Variants in SPEN observed in about 807,000 individuals in gnomAD.
The protein encoded by SPEN is spen family transcriptional repressor, also known as msx2-interacting protein.
A neutral mutation model predicts 269.9 loss-of-function variants in SPEN; 18 were observed. The observed-to-expected ratio is 0.07, with a 90% confidence interval of 0.05 to 0.10. The LOEUF (loss-of-function observed/expected upper bound fraction) is 0.10, where lower values mean the gene tolerates loss of function less well. SPEN is among the 10% of genes least tolerant of loss of function. The pLI, the probability that SPEN is intolerant of heterozygous loss-of-function variation, is 1.00. For synonymous variants in SPEN, 1,726 were observed against 1,765.7 expected (o/e 0.98, Z 0.56); for missense variants, 3,822 against 4,631.2 (o/e 0.83, Z 5.07).
In SPEN at chr1:15,934,714, A is replaced by G. The variant is rs1449177855; in HGVS notation, c.8474A>G (p.Glu2825Gly). Reference protein sequence around the residue: ...VLLSYSGQKTEGPQRISAKIS... With the variant: ...VLLSYSGQKTGGPQRISAKIS... ...CTGAGTTACTCAGGGCAGAAGACCG[A>G]AGGCCCACAGCGGATCAGCGCCAAG... Residue 2825 changes from glutamate to glycine, a missense_variant, in exon 11 of 15, where the codon GAA becomes GGA. Transcript: ENST00000375759. This position sits in a 1 kb window ranked among gnomAD's most constrained non-coding sequence, Gnocchi z 9.2. 6.2e-7 allele frequency: 1 copy of G among 1,614,206 alleles called. No individual in the cohort carries two copies. Among genetic ancestry groups the G allele is most frequent in the Non-Finnish European group, 8.5e-7 (1 of 1,180,040 alleles).
At position 15,860,378 on chromosome 1, in the gene SPEN, G is replaced by GGTGTGTGTGTGTGT. The variant is rs60005872; in HGVS notation, c.83+12255_83+12268dup. 4.2e-3 allele frequency among the ~76,000 whole-genome samples: 504 copies of GGTGTGTGTGTGTGT among 121,214 alleles called. 4 individuals are homozygous for GGTGTGTGTGTGTGT. Among genetic ancestry groups the GGTGTGTGTGTGTGT allele is most frequent in the South Asian group, 0.015 (48 of 3,128 alleles). The allele number at this position is 121,214 out of a possible 152,430, so 79.5% of individuals were successfully genotyped here. A position where few individuals can be genotyped will look rare whatever the true frequency, so the allele number is the denominator to read the frequency against. ...TCTCAGCCTCCCAAGTAGCTTCAGA[G>GGTGTGTGTGTGTGT]GTGTGTGTGTGTGTGTGTGTGTGTG... On this transcript the variant is annotated intron_variant, in intron 1 of 14. Transcript: ENST00000375759.
At chr1:15,888,091 A>AATTTT (rs1031061086) in intron 3 of SPEN, among the ~76,000 whole-genome samples, 1 of 150,726 alleles carries the variant, frequency 6.6e-6, no homozygotes, top group South Asian at 2.1e-4. Flanking sequence ...TTAAATAACA[A>AATTTT]ATTTTATTTT....
intron 1 of SPEN, among the ~76,000 whole-genome samples, chr1:15,850,375 T>A (rs2070322993): frequency 7.0e-6 from 1 of 143,312 alleles, no homozygotes; most frequent in South Asian, 2.3e-4. Flanking sequence ...AGATCATGTG[T>A]CCCTGAAATT....
chr1:15,859,670 GA>G (rs1433314453), intron 1 of SPEN, among the ~76,000 whole-genome samples: 5 of 151,776 alleles, frequency 3.3e-5, no homozygotes, highest in Non-Finnish European at 5.9e-5. Flanking sequence ...TGCCCGGCCT[GA>G]AAAGGAACTT....
In SPEN at chr1:15,935,157, C is replaced by T; in HGVS notation, c.8917C>T (p.Leu2973Phe). 1.2e-6 allele frequency: 2 copies of T among 1,614,056 alleles called. No homozygotes were observed. The highest frequency in any genetic ancestry group is 1.7e-6 in the Non-Finnish European group (2 of 1,179,988). ...CACCCTTAAAATCGAGACCAAGGTCCTTCAGCCGGCCAACCTGGGGTCCAC... is the reference window on the plus strand; with the variant it reads ...CACCCTTAAAATCGAGACCAAGGTCTTTCAGCCGGCCAACCTGGGGTCCAC... Reference protein sequence around the residue: ...PVTLKIETKVLQPANLGSTLT... With the variant: ...PVTLKIETKVFQPANLGSTLT... Residue 2973 changes from leucine (L) to phenylalanine (F), a missense_variant, in exon 11 of 15, where the codon CTT becomes TTT. Transcript: ENST00000375759. This position sits in a 1 kb window ranked among gnomAD's most constrained non-coding sequence, Gnocchi z 7.7.
chr1:15,855,126 G>T (rs146526679), intron 1 of SPEN, among the ~76,000 whole-genome samples: 27 of 152,268 alleles, frequency 1.8e-4, no homozygotes, highest in Admixed American at 3.3e-4. Flanking sequence ...AGATTTGTGG[G>T]AAAATTCAAA....
At position 15,931,275 on chromosome 1, in the gene SPEN, G is replaced by A. The variant is rs779103344; in HGVS notation, c.5035G>A (p.Val1679Ile). The A allele has an allele frequency of 3.3e-5, 53 of 1,614,050 alleles. No homozygotes were observed. Among genetic ancestry groups the A allele is most frequent in the Non-Finnish European group, 4.3e-5 (51 of 1,180,038 alleles). The stretch of plus-strand genomic sequence containing the variant: ...AGAGAAGACTGTGGAGCCAGCTACC[G>A]TCTCAGAAGAAGCAAAGCCTGCATC... ...TEEKTVEPAT[V>I]SEEAKPASEP... Residue 1679 changes from valine (V) to isoleucine (I), a missense_variant, in exon 11 of 15, where the codon GTC becomes ATC. Physicochemically the swap from Val to Ile is conservative, Grantham distance 29 (BLOSUM62 3). Transcript: ENST00000375759. The surrounding 1 kb of genome is among the most constrained non-coding windows in gnomAD (Gnocchi z 4.8).
At chr1:15,872,774 A>G (rs2070594465) in intron 1 of SPEN, 42 bp from the exon 2 acceptor site, 1 of 1,446,866 alleles carries the variant, frequency 6.9e-7, no homozygotes, top group Admixed American at 2.3e-5. Flanking sequence ...ATTTTGGAAA[A>G]TTATTGATAT....
chr1:15,928,363 G>T lies in SPEN; in HGVS notation c.2123G>T (p.Arg708Ile). ...RQRERERERERFESDRDRDHE... is the reference protein window; with the variant it reads ...RQREREREREIFESDRDRDHE... ...AGGGAACGAGAAAGAGAACGTGAAA[G>T]ATTTGAGTCTGACCGGGACAGAGAC... Residue 708 changes from arginine to isoleucine, a missense_variant, in exon 11 of 15, where the codon AGA becomes ATA. By Grantham distance (97) the Arg-to-Ile change is moderately conservative. This residue lies in a region of SPEN where 572 missense variants were observed against 582.6 expected (regional missense o/e 0.98). Transcript: ENST00000375759. The surrounding 1 kb of genome is among the most constrained non-coding windows in gnomAD (Gnocchi z 5.7). The T allele has an allele frequency of 2.5e-6, 4 of 1,614,204 alleles. No individual in the cohort carries two copies. Among genetic ancestry groups the T allele is most frequent in the Non-Finnish European group, 3.4e-6 (4 of 1,180,032 alleles).
intron 3 of SPEN, among the ~76,000 whole-genome samples, chr1:15,891,855 A>G (rs774528165): frequency 3.3e-5 from 5 of 151,728 alleles, no homozygotes; most frequent in Admixed American, 6.6e-5. Context: ...CATATATCTC[A>G]GTAGAACTGT....
intron 2 of SPEN, chr1:15,873,395 A>G: frequency 2.0e-5 from 24 of 1,188,066 alleles, no homozygotes; most frequent in Non-Finnish European, 2.4e-5. Flanking sequence ...TCATTTTTGG[A>G]GTTACCTGTC....
At chr1:15,904,477 A>AG (rs1431842908) in intron 3 of SPEN, among the ~76,000 whole-genome samples, 59 of 138,018 alleles carry the variant, frequency 4.3e-4, no homozygotes, top group African/African-American at 3.1e-4. Context: ...AAAAAAAAAA[A>AG]GTGAACTAAA....
In SPEN at chr1:15,873,474, A is replaced by C. The variant is rs569582376; in HGVS notation, c.404+338A>C. 3 of 1,025,320 alleles carry C rather than the reference A, an allele frequency of 2.9e-6. No homozygotes were observed. The African/African-American group carries it at 5.1e-5, about 17-fold the overall frequency. 63.5% of individuals were successfully genotyped at this position (1,025,320 alleles called of 1,614,324 possible). ...TCCTTGGATATATCCCTTCTACCTG[A>C]TGGAGCTATTTGGCTTTTGTGTTCA... On this transcript the variant is annotated intron_variant, in intron 2 of 14. Coordinates refer to ENST00000375759, the MANE Select transcript of SPEN (RefSeq NM_015001.3).
chr1:15,859,621 G>A (rs982379454), intron 1 of SPEN, among the ~76,000 whole-genome samples: 4 of 151,704 alleles, frequency 2.6e-5, no homozygotes, highest in Admixed American at 6.6e-5. Context: ...CGCCCGCCTC[G>A]GCCTCCCAAA....
rs148178858 is a variant in SPEN, at chr1:15,935,412, C to G, written c.9172C>G (p.Leu3058Val). The G allele has an allele frequency of 5.6e-6, 9 of 1,614,012 alleles. No homozygotes were observed. In the African/African-American group the frequency reaches 1.1e-4, roughly 19 times the overall value. The change falls in exon 11 of 15, where the codon CTG (leucine) becomes GTG (valine). Residue 3058 changes from leucine to valine, a missense_variant. Physicochemically the swap from Leu to Val is conservative, Grantham distance 32. Coordinates refer to ENST00000375759, the MANE Select transcript of SPEN (RefSeq NM_015001.3). The surrounding 1 kb of genome is among the most constrained non-coding windows in gnomAD (Gnocchi z 7.7). ...TALSTNATVM[L>V]AAGIPVPQFI... ...GCTCTCCACCAACGCCACAGTCATG[C>G]TGGCTGCAGGCATCCCAGTGCCCCA...
At chr1:15,923,165 G>A (rs999176890) in intron 10 of SPEN, among the ~76,000 whole-genome samples, 2 of 152,136 alleles carry the variant, frequency 1.3e-5, no homozygotes, top group Non-Finnish European at 1.5e-5. Flanking sequence ...GAATCAATAA[G>A]CCAAAGCATA....
intron 8 of SPEN, among the ~76,000 whole-genome samples, chr1:15,920,197 A>G (rs2071105500): frequency 6.6e-6 from 1 of 152,070 alleles, no homozygotes. Flanking sequence ...AGCCTCTTGA[A>G]TAGCTGGGAT....
At chr1:15,890,920 C>T (rs1282966466) in intron 3 of SPEN, among the ~76,000 whole-genome samples, 3 of 152,078 alleles carry the variant, frequency 2.0e-5, no homozygotes, top group African/African-American at 2.4e-5. Context: ...GCAGTTCATC[C>T]GTGTTATAGC....
Position 15,931,932 on chromosome 1 carries a change from C to T in SPEN, c.5692C>T (p.Arg1898Ter). 1 of 1,614,178 alleles carries T rather than the reference C, an allele frequency of 6.2e-7. No homozygotes were observed. Among genetic ancestry groups the T allele is most frequent in the Non-Finnish European group, 8.5e-7 (1 of 1,180,020 alleles). The change falls in exon 11 of 15, where the codon CGA (arginine) becomes TGA (stop). Residue 1898 changes from arginine (R) to a stop codon, truncating the protein, a stop_gained. Coordinates refer to ENST00000375759, the MANE Select transcript of SPEN (RefSeq NM_015001.3). LOFTEE classifies it high-confidence loss of function. The surrounding 1 kb of genome is among the most constrained non-coding windows in gnomAD (Gnocchi z 4.8). ...TCCCGAACCAAGTTTGCCTCTCAGC[C>T]GAACAAGGCGCCGGAATGTAAGGAG... ...EHPEPSLPLS[R>*]TRRRNVRSVY... is the part of the protein sequence containing the mutation.
Sources: gnomAD v4.1 joint callset for allele counts (sites outside exome capture counted in the v4.1 genomes callset) on GRCh38, gnomAD v4.1.1 for gene constraint, gnomAD v4.1.1 regional missense constraint, Gnocchi (gnomAD v3.1) non-coding constraint, MANE v1.5 for transcripts, NCBI Gene and HGNC (gene_info 2026-07-23, HGNC 2026-07-21) for gene names.